The following SUGCT variants were observed in gnomAD, a reference collection of about 807,000 sequenced individuals.
The protein encoded by SUGCT is succinyl-CoA:glutarate-CoA transferase.
Under a neutral mutation model 55.0 loss-of-function variants are expected in SUGCT, and 41 were observed. That is an observed-to-expected ratio of 0.74 (90% CI 0.58 to 0.97). SUGCT has a LOEUF of 0.97. Ranked by LOEUF, SUGCT falls within the 50% of genes least tolerant of loss-of-function variation. SUGCT has a pLI of 0.00. For missense variants in SUGCT, 568 were observed against 547.8 expected (o/e 1.04, Z -0.37); for synonymous variants, 187 against 200.4 (o/e 0.93, Z 0.56).
intron 1 of SUGCT, among the ~76,000 whole-genome samples, chr7:40,158,202 CAA>C (rs369413491): frequency 2.2e-5 from 3 of 133,824 alleles, no homozygotes; most frequent in Admixed American, 7.5e-5. Context: ...ACTCTGTATC[CAA>C]AAAAAAAAAA....
intron 12 of SUGCT, among the ~76,000 whole-genome samples, chr7:40,582,802 G>A (rs780461525): frequency 2.0e-5 from 3 of 152,096 alleles, no homozygotes; most frequent in South Asian, 2.1e-4. Flanking sequence ...CTCCATGGCC[G>A]TCACAGAGCA....
At chr7:40,256,748 T>A (rs994688818) in intron 7 of SUGCT, among the ~76,000 whole-genome samples, 2 of 152,176 alleles carry the variant, frequency 1.3e-5, no homozygotes, top group South Asian at 4.1e-4. Context: ...TTTTTATTTT[T>A]TACTTTTTTG....
chr7:40,602,823 A>C (rs1396594705), intron 12 of SUGCT, among the ~76,000 whole-genome samples: 4 of 152,186 alleles, frequency 2.6e-5, no homozygotes, highest in African/African-American at 9.7e-5. Context: ...TGGGATTAGC[A>C]ATCCCATCCT....
the SUGCT span, among the ~76,000 whole-genome samples, chr7:40,949,263 G>C: frequency 6.6e-6 from 1 of 152,200 alleles, no homozygotes; most frequent in Non-Finnish European, 1.5e-5. Context: ...CTTTTGAGAA[G>C]TGTCTGTTCA....
intron 12 of SUGCT, among the ~76,000 whole-genome samples, chr7:40,523,117 G>T (rs1049134472): frequency 7.9e-5 from 12 of 152,192 alleles, no homozygotes; most frequent in African/African-American, 2.9e-4. Flanking sequence ...AGCAAAGACT[G>T]AGATATTTAG....
intron 9 of SUGCT, among the ~76,000 whole-genome samples, chr7:40,375,441 TA>T (rs529200396): frequency 4.6e-5 from 7 of 152,248 alleles, no homozygotes; most frequent in African/African-American, 1.4e-4. Flanking sequence ...AATAAGGTTA[TA>T]AAAAAATTAT....
intron 12 of SUGCT, among the ~76,000 whole-genome samples, chr7:40,584,533 C>G (rs1797272439): frequency 1.3e-5 from 2 of 152,146 alleles, no homozygotes; most frequent in African/African-American, 4.8e-5. Context: ...ATAATAGTTC[C>G]CATGTGCATA....
At chr7:40,943,869 T>C in the SUGCT span, among the ~76,000 whole-genome samples, 5 of 151,664 alleles carry the variant, frequency 3.3e-5, no homozygotes, top group Admixed American at 3.3e-4. Flanking sequence ...ACTTCCACAA[T>C]GGTTGAACTA....
chr7:40,191,400 G>A (rs1282534528), intron 5 of SUGCT, among the ~76,000 whole-genome samples: 2 of 152,124 alleles, frequency 1.3e-5, no homozygotes. Context: ...GTTATTGAAA[G>A]ATAATCTTTA....
At chr7:40,655,275 T>C (rs1418122468) in intron 12 of SUGCT, among the ~76,000 whole-genome samples, 1 of 151,386 alleles carries the variant, frequency 6.6e-6, no homozygotes, top group Non-Finnish European at 1.5e-5. Flanking sequence ...GCTTGGATTA[T>C]AGAGGGAGAT....
chr7:40,258,768 G>GT (rs760468778), intron 7 of SUGCT, among the ~76,000 whole-genome samples: 10 of 152,200 alleles, frequency 6.6e-5, no homozygotes, highest in Non-Finnish European at 1.2e-4. Flanking sequence ...ATGGAAAGCA[G>GT]TATGGAGGTT....
chr7:40,525,841 G>A (rs2024016), intron 12 of SUGCT, among the ~76,000 whole-genome samples: 141,367 of 152,256 alleles, frequency 0.93, 65,727 homozygotes, highest in East Asian at 1. Context: ...TGACATCAAG[G>A]ATATCCATTA....
intron 6 of SUGCT, among the ~76,000 whole-genome samples, chr7:40,225,202 T>G (rs972459385): frequency 1.3e-5 from 2 of 152,340 alleles, no homozygotes; most frequent in Admixed American, 1.3e-4. Context: ...TTTCTTTTTT[T>G]GTTCAGTATG....
At chr7:40,659,974 CATCTAAGTAAT>C (rs1801223529) in intron 12 of SUGCT, among the ~76,000 whole-genome samples, 1 of 152,136 alleles carries the variant, frequency 6.6e-6, no homozygotes, top group Non-Finnish European at 1.5e-5. Flanking sequence ...GAGGCCACTA[CATCTAAGTAAT>C]TTTTTTGAAG....
chr7:40,304,118 G>C (rs920968121), intron 8 of SUGCT, among the ~76,000 whole-genome samples: 1 of 151,578 alleles, frequency 6.6e-6, no homozygotes, highest in Admixed American at 6.6e-5. Context: ...TAAAGGCAAT[G>C]GTAATCAGAA....
intron 2 of SUGCT, among the ~76,000 whole-genome samples, chr7:40,181,740 C>T (rs528699766): frequency 2.6e-4 from 36 of 137,514 alleles, no homozygotes; most frequent in South Asian, 2.3e-3. Context: ...AGCGAGACTC[C>T]GTCTCCAAAA....
intron 13 of SUGCT, among the ~76,000 whole-genome samples, chr7:40,804,039 C>T (rs1790959664): frequency 6.6e-6 from 1 of 152,098 alleles, no homozygotes. Flanking sequence ...CTAAATGGAG[C>T]ATGGGGTTTT....
intron 12 of SUGCT, among the ~76,000 whole-genome samples, chr7:40,561,130 C>T (rs1038907781): frequency 5.9e-5 from 9 of 152,154 alleles, no homozygotes; most frequent in South Asian, 2.1e-4. Context: ...AAATTCCTTA[C>T]GAGTGGGTAA....
chr7:40,791,945 C>T (rs756107988), intron 13 of SUGCT, among the ~76,000 whole-genome samples: 2 of 151,986 alleles, frequency 1.3e-5, no homozygotes, highest in Non-Finnish European at 2.9e-5. Context: ...TGGTCTAGCC[C>T]CTCTTTCTTC....
Sources: allele counts gnomAD v4.1 joint callset (sites outside exome capture counted in the v4.1 genomes callset), GRCh38; gene constraint gnomAD v4.1.1; transcripts MANE v1.5; gene names NCBI Gene and HGNC (gene_info 2026-07-23, HGNC 2026-07-21).